Variants in PIEZO1 observed in about 807,000 individuals in gnomAD.
PIEZO1 encodes the protein piezo-type mechanosensitive ion channel component 1.
Under a neutral mutation model 297.2 loss-of-function variants are expected in PIEZO1, and 296 were observed. The observed-to-expected ratio is 1.00, with a 90% confidence interval of 0.91 to 1.10. The LOEUF is 1.10. PIEZO1 is among the 50% of genes least tolerant of loss of function. The pLI, the probability that PIEZO1 is intolerant of heterozygous loss-of-function variation, is 0.00. For missense variants in PIEZO1, 5,018 were observed against 3,455.5 expected (o/e 1.45, Z -11.34); for synonymous variants, 2,427 against 1,507.5 (o/e 1.61, Z -14.13).
At chr16:88,729,457 C>G (rs1904657819) in intron 22 of PIEZO1, among the ~76,000 whole-genome samples, 2 of 118,476 alleles carry the variant, frequency 1.7e-5, no homozygotes, top group African/African-American at 3.0e-5. Flanking sequence ...ATCTCACAGC[C>G]CCATCTGCCA....
rs953601737 is a variant in PIEZO1 at position 88,733,738 on chromosome 16, G to A, written c.2337C>T (p.Ala779=). 1.3e-6 allele frequency: 2 copies of A among 1,543,962 alleles called. No individual in the cohort carries two copies. The highest frequency in any genetic ancestry group is 2.0e-5 in the Admixed American group (1 of 50,452). The change falls in exon 18 of 51, where the codon GCC becomes GCT. Residue 779 remains alanine (A), a synonymous_variant. Transcript: ENST00000301015. The part of the protein sequence containing the change: ...HQATQVPEGA[A]KWGLVAERLL... ...GCCGCTCAGCCACCAGGCCCCACTT[G>A]GCTGCCCCTGTGATGGTGTGAGGGT...
At chr16:88,756,759 T>G (rs1182874546) in intron 1 of PIEZO1, among the ~76,000 whole-genome samples, 1 of 137,744 alleles carries the variant, frequency 7.3e-6, no homozygotes, top group African/African-American at 2.7e-5. Context: ...TAGAGCAAGA[T>G]TCCGTCTCAA....
chr16:88,730,776 G>C (rs947590809), intron 22 of PIEZO1, among the ~76,000 whole-genome samples: 1 of 152,212 alleles, frequency 6.6e-6, no homozygotes, highest in Admixed American at 6.5e-5. Flanking sequence ...GAGGGGCCAG[G>C]ACCCACTCAG....
intron 26 of PIEZO1, 30 bp downstream of exon 26, chr16:88,726,517 C>T (rs1433472330): frequency 1.3e-6 from 2 of 1,546,668 alleles, no homozygotes; most frequent in Admixed American, 2.0e-5. Flanking sequence ...CTTCCCCACG[C>T]CCTCCCCCGC....
At position 88,721,283 on chromosome 16, in the gene PIEZO1, T is replaced by G; in HGVS notation, c.5551A>C (p.Thr1851Pro). 2 of 1,544,834 alleles carry G rather than the reference T, an allele frequency of 1.3e-6. No individual in the cohort carries two copies. Among genetic ancestry groups the G allele is most frequent in the Non-Finnish European group, 1.7e-6 (2 of 1,146,632 alleles). Residue 1851 changes from threonine (T) to proline (P), a missense_variant, in exon 39 of 51, where the codon ACG (threonine) becomes CCG (proline). Physicochemically the swap from Thr to Pro is conservative, Grantham distance 38. Transcript: ENST00000301015. ...HIQVEARVGP[T>P]DGTPEPQVEL... Reference sequence around the variant, plus strand: ...ACTTGGGGTTCTGGGGTCCCGTCCGTGGGTCCGACCCTGGCTTCCACCTGA... The same window carrying G: ...ACTTGGGGTTCTGGGGTCCCGTCCGGGGGTCCGACCCTGGCTTCCACCTGA...
intron 18 of PIEZO1, 40 bp downstream of exon 18, chr16:88,733,548 C>T (rs1905014243): frequency 2.6e-6 from 4 of 1,528,012 alleles, no homozygotes; most frequent in East Asian, 2.5e-5. Flanking sequence ...CCAGAGCGAC[C>T]CCACCCCAGA....
intron 19 of PIEZO1, chr16:88,732,967 T>G (rs1904967659): frequency 1.7e-6 from 1 of 585,172 alleles, no homozygotes; most frequent in Non-Finnish European, 3.0e-6. Context: ...AGGAGGGATG[T>G]GCGAGAAGGT....
Position 88,737,587 on chromosome 16 carries a change from G to A in PIEZO1, c.1167C>T (p.Thr389=), listed in dbSNP as rs766153882. Residue 389 remains threonine, a synonymous_variant, in exon 10 of 51, where the codon ACC becomes ACT. Transcript: ENST00000301015. ...GCCGCCGCAGGACGGAGCTCTGGCC[G>A]GTCAGCTCGTGCACGATGCAGTTAT... is the stretch of plus-strand genomic sequence containing the variant. ...EADNCIVHEL[T]GQSSVLRRPV... 40 of 1,534,222 alleles carry A rather than the reference G, an allele frequency of 2.6e-5. No homozygotes were observed. The highest frequency in any genetic ancestry group is 3.4e-5 in the Non-Finnish European group (39 of 1,146,350).
At position 88,725,467 on chromosome 16, in the gene PIEZO1, G is replaced by A. The variant is rs570638507; in HGVS notation, c.4111C>T (p.Arg1371Cys). 6.2e-5 allele frequency: 93 copies of A among 1,511,174 alleles called. No individual in the cohort carries two copies. The East Asian group carries it at 6.4e-4, about 10-fold the overall frequency. 93.6% of individuals were successfully genotyped at this position (1,511,174 alleles called of 1,614,324 possible). The change falls in exon 29 of 51, where the codon CGC becomes TGC. Residue 1371 changes from arginine to cysteine, a missense_variant. Physicochemically the swap from Arg to Cys is radical, Grantham distance 180. Transcript: ENST00000301015. ...CCCAGGGTGTCCTGGGGGCGACTGC[G>A]GTCCACCCGGCCCTGCCTGTGCTTC... Reference protein sequence around the residue: ...QEKHRQGRVDRSRPQDTLGPK... With the variant: ...QEKHRQGRVDCSRPQDTLGPK...
rs759885882 is a variant in PIEZO1 at position 88,722,815 on chromosome 16, C to T, written c.4668+22G>A. Reference sequence around the variant, plus strand: ...CGTAGTCAGGCAGAGCAGGGACGAGCGTGGTGCACGGGCAGGCTCACCTGC... The same window carrying T: ...CGTAGTCAGGCAGAGCAGGGACGAGTGTGGTGCACGGGCAGGCTCACCTGC... On this transcript the variant is annotated intron_variant, in intron 34 of 50. Coordinates refer to ENST00000301015, the MANE Select transcript of PIEZO1 (RefSeq NM_001142864.4). The T allele has an allele frequency of 1.9e-4, 293 of 1,540,654 alleles. 1 individual carries two copies. The highest frequency in any genetic ancestry group is 1.7e-4 in the South Asian group (14 of 83,970).
intron 2 of PIEZO1, among the ~76,000 whole-genome samples, chr16:88,745,956 C>A (rs1384652542): frequency 1.3e-5 from 2 of 152,186 alleles, no homozygotes; most frequent in Non-Finnish European, 2.9e-5. Context: ...GATGCGTGGT[C>A]CATAGCCACC....
intron 1 of PIEZO1, among the ~76,000 whole-genome samples, chr16:88,784,103 C>T (rs1222407713): frequency 1.3e-5 from 2 of 152,226 alleles, no homozygotes; most frequent in East Asian, 1.9e-4. Flanking sequence ...GGCCGTGCAG[C>T]ACCAAGCCAC....
At chr16:88,750,341 A>G (rs1292806256) in intron 1 of PIEZO1, among the ~76,000 whole-genome samples, 1 of 152,234 alleles carries the variant, frequency 6.6e-6, no homozygotes, top group African/African-American at 2.4e-5. Context: ...ATCTCAAAAA[A>G]CAATCAAACA....
chr16:88,746,719 G>A lies in PIEZO1; in HGVS notation c.160+2665C>T, dbSNP rs536205225. On this transcript the variant is annotated intron_variant, in intron 2 of 50. Coordinates refer to ENST00000301015, the MANE Select transcript of PIEZO1 (RefSeq NM_001142864.4). ...AGGGCCTCTGACGAGGCTCAGGCAG[G>A]GAAGTCCTCCCGGGTCCTCTCCAAA... 4.6e-5 allele frequency among the ~76,000 whole-genome samples: 7 copies of A among 152,354 alleles called. No individual in the cohort carries two copies. In the South Asian group the frequency reaches 1.4e-3, roughly 32 times the overall value.
At chr16:88,776,772 C>A (rs560160082) in intron 1 of PIEZO1, among the ~76,000 whole-genome samples, 2 of 152,320 alleles carry the variant, frequency 1.3e-5, no homozygotes, top group East Asian at 3.9e-4. Flanking sequence ...CGGGCCAGTC[C>A]GGCGCTGATA....
intron 1 of PIEZO1, among the ~76,000 whole-genome samples, chr16:88,758,844 TGA>T (rs1352577290): frequency 6.6e-6 from 1 of 152,188 alleles, no homozygotes; most frequent in South Asian, 2.1e-4. Context: ...ACACATAGCA[TGA>T]GAGAGCAAAC....
intron 2 of PIEZO1, chr16:88,742,940 G>A (rs1338501932): frequency 2.5e-6 from 1 of 392,492 alleles, no homozygotes; most frequent in Non-Finnish European, 5.2e-6. Flanking sequence ...CTGAGGGGCT[G>A]CAAGGAGAAG....
chr16:88,737,631 C>T lies in PIEZO1; in HGVS notation c.1123G>A (p.Ala375Thr), dbSNP rs1339540443. The change falls in exon 10 of 51, where the codon GCA (alanine) becomes ACA (threonine). Residue 375 changes from alanine to threonine, a missense_variant. By Grantham distance (58) the Ala-to-Thr change is moderately conservative. Transcript: ENST00000301015. ...CAGTTATCAGCCTCGGTGTCGGGTG[C>T]TGTGGGCACCACGTGCTGTGGGCAA... ...RESDQHVVPTAPDTEADNCIV... is the reference protein window; with the variant it reads ...RESDQHVVPTTPDTEADNCIV... The T allele has an allele frequency of 2.6e-6, 4 of 1,534,868 alleles. No individual in the cohort carries two copies. Among genetic ancestry groups the T allele is most frequent in the Middle Eastern group, 1.8e-4 (1 of 5,630 alleles).
intron 1 of PIEZO1, among the ~76,000 whole-genome samples, chr16:88,769,423 G>C (rs768808346): frequency 1.7e-4 from 26 of 152,194 alleles, no homozygotes; most frequent in African/African-American, 6.0e-4. Context: ...TTTCCGCTTG[G>C]ATTTAGATTT....
Sources: allele counts gnomAD v4.1 joint callset (sites outside exome capture counted in the v4.1 genomes callset), GRCh38; gene constraint gnomAD v4.1.1; transcripts MANE v1.5; gene names NCBI Gene and HGNC (gene_info 2026-07-23, HGNC 2026-07-21).